Variants in RARA observed in about 807,000 individuals in gnomAD.
RARA encodes PML-DDX5-RARA fusion.
Under a neutral mutation model 42.8 loss-of-function variants are expected in RARA, and 5 were observed. The ratio of observed to expected loss-of-function variants is 0.12; its 90% CI spans 0.06 to 0.25. RARA has a LOEUF of 0.25. RARA is among the 10% of genes least tolerant of loss of function. The probability of loss-of-function intolerance (pLI) is 1.00; values close to 1 mark genes in which losing one functional copy is unlikely to be tolerated. For missense variants in RARA, 402 were observed against 628.7 expected (o/e 0.64, Z 3.86); for synonymous variants, 256 against 259.5 (o/e 0.99, Z 0.13).
intron 1 of RARA, among the ~76,000 whole-genome samples, chr17:40,315,172 A>G (rs1463020994): frequency 8.7e-6 from 1 of 115,290 alleles, no homozygotes; most frequent in East Asian, 2.5e-4. Flanking sequence ...ATATATATAT[A>G]CACACACACA....
rs2033555309 is a variant in RARA, at chr17:40,326,719, A to C, written c.-362-4138A>C. ...CGTGGGCAGTGGAGGTGGCTGGCATAGGGTGGAGGTTGGATGTGGGTAGTT... is the reference window on the plus strand; with the variant it reads ...CGTGGGCAGTGGAGGTGGCTGGCATCGGGTGGAGGTTGGATGTGGGTAGTT... On this transcript the variant is annotated intron_variant, in intron 1 of 8. Transcript: ENST00000254066. This position sits in a 1 kb window ranked among gnomAD's most constrained non-coding sequence, Gnocchi z 5.2. 6.6e-6 allele frequency among the ~76,000 whole-genome samples: 1 copy of C among 152,004 alleles called. No homozygotes were observed. The highest frequency in any genetic ancestry group is 1.5e-5 in the Non-Finnish European group (1 of 67,960).
chr17:40,356,393 G>C lies in RARA; in HGVS notation c.*167G>C. 1.2e-6 allele frequency: 1 copy of C among 817,706 alleles called. No homozygotes were observed. Among genetic ancestry groups the C allele is most frequent in the Non-Finnish European group, 2.0e-6 (1 of 491,432 alleles). The allele number at this position is 817,706 out of a possible 1,614,324, so 50.7% of individuals were successfully genotyped here. A position where few individuals can be genotyped will look rare whatever the true frequency, so the allele number is the denominator to read the frequency against. On this transcript the variant is annotated 3_prime_UTR_variant, in exon 9 of 9. Transcript: ENST00000254066. ...GGAGGAGGCAGCGACTCCTTGGACA[G>C]AGGCCTGGGCCCTCAGTGGACTGCC... is the stretch of plus-strand genomic sequence containing the variant.
rs2033564009 is a variant in RARA at position 40,326,982 on chromosome 17, A to G, written c.-362-3875A>G. Among the ~76,000 whole-genome samples the G allele has an allele frequency of 6.6e-6, 1 of 152,154 alleles. No individual in the cohort carries two copies. Among genetic ancestry groups the G allele is most frequent in the Non-Finnish European group, 1.5e-5 (1 of 68,024 alleles). On this transcript the variant is annotated intron_variant, in intron 1 of 8. Coordinates refer to ENST00000254066, the MANE Select transcript of RARA (RefSeq NM_000964.4). This position sits in a 1 kb window ranked among gnomAD's most constrained non-coding sequence, Gnocchi z 5.2. ...GTGACCTTTAGCCCTCCTGCGGCTC[A>G]AGGCCCTCCCCAGGGAGCTGAGTAA...
intron 1 of RARA, among the ~76,000 whole-genome samples, chr17:40,315,807 T>A (rs901034134): frequency 6.6e-6 from 1 of 152,102 alleles, no homozygotes; most frequent in African/African-American, 2.4e-5. Flanking sequence ...TTCCTCTAGT[T>A]TGAAGAGGGA....
At chr17:40,319,035 G>T (rs1162510906) in intron 1 of RARA, among the ~76,000 whole-genome samples, 1 of 152,226 alleles carries the variant, frequency 6.6e-6, no homozygotes, top group Non-Finnish European at 1.5e-5. Flanking sequence ...CCACCATGGG[G>T]TGTGGGAACT....
At chr17:40,316,118 G>T (rs1404432059) in intron 1 of RARA, among the ~76,000 whole-genome samples, 1 of 152,210 alleles carries the variant, frequency 6.6e-6, no homozygotes, top group Non-Finnish European at 1.5e-5. Flanking sequence ...GGTAGGGCTG[G>T]GCCTTGGACA....
intron 1 of RARA, among the ~76,000 whole-genome samples, chr17:40,322,183 T>C (rs1315138617): frequency 6.7e-6 from 1 of 150,068 alleles, no homozygotes; most frequent in Non-Finnish European, 1.5e-5. Context: ...TGGAGGGAGG[T>C]TCCATTCCCC....
chr17:40,348,392 C>T lies in RARA; in HGVS notation c.255C>T (p.Tyr85=). 6.2e-7 allele frequency: 1 copy of T among 1,613,826 alleles called. No individual in the cohort carries two copies. Among genetic ancestry groups the T allele is most frequent in the Middle Eastern group, 1.7e-4 (1 of 6,058 alleles). The part of the protein sequence containing the change: ...PPSPPPLPRI[Y]KPCFVCQDKS... The stretch of plus-strand genomic sequence containing the variant: ...CGCCACCCCCTCTACCCCGCATCTA[C>T]AAGCCTTGCTTTGTCTGTCAGGACA... Residue 85 remains tyrosine (Y), a synonymous_variant, in exon 3 of 9, where the codon TAC becomes TAT. Transcript: ENST00000254066.
At chr17:40,315,134 A>ATG (rs1256773560) in intron 1 of RARA, among the ~76,000 whole-genome samples, 1,393 of 35,488 alleles carry the variant, frequency 0.039, 58 homozygotes, top group East Asian at 0.25. Context: ...TTATATGTGT[A>ATG]TATATATATA....
At position 40,352,089 on chromosome 17, in the gene RARA, C is replaced by T. The variant is rs539324246; in HGVS notation, c.630+19C>T. Reference sequence around the variant, plus strand: ...CACTACGGTATGGCTTTCCCCCGGCCTGCAGGGTGGGATTTGCCCAGGGCC... The same window carrying T: ...CACTACGGTATGGCTTTCCCCCGGCTTGCAGGGTGGGATTTGCCCAGGGCC... On this transcript the variant is annotated intron_variant, in intron 5 of 8. Coordinates refer to ENST00000254066, the MANE Select transcript of RARA (RefSeq NM_000964.4). The surrounding 1 kb of genome is among the most constrained non-coding windows in gnomAD (Gnocchi z 4.9). The T allele has an allele frequency of 3.2e-5, 49 of 1,541,796 alleles. 1 individual carries two copies. The South Asian group carries it at 5.8e-4, about 18-fold the overall frequency.
At chr17:40,315,167 TATATACACACACAC>T (rs2033182386) in intron 1 of RARA, among the ~76,000 whole-genome samples, 1 of 116,032 alleles carries the variant, frequency 8.6e-6, no homozygotes, top group Non-Finnish European at 1.7e-5. Context: ...TATATATATA[TATATACACACACAC>T]ACACACACAC....
At chr17:40,335,916 T>C (rs778088243) in intron 2 of RARA, among the ~76,000 whole-genome samples, 6 of 151,666 alleles carry the variant, frequency 4.0e-5, no homozygotes, top group African/African-American at 7.3e-5. Flanking sequence ...GGTGGGAGGA[T>C]TGCATGAGCC....
chr17:40,348,615 C>T, intron 3 of RARA, 151 bp downstream of exon 3: 2 of 997,818 alleles, frequency 2.0e-6, no homozygotes, highest in South Asian at 3.8e-5. Flanking sequence ...GGACACCTAC[C>T]ACAGTTTCCC....
In RARA at chr17:40,352,306, G is replaced by C. The variant is rs2143501906; in HGVS notation, c.631-25G>C. On this transcript the variant is annotated intron_variant, in intron 5 of 8. Coordinates refer to ENST00000254066, the MANE Select transcript of RARA (RefSeq NM_000964.4). This position sits in a 1 kb window ranked among gnomAD's most constrained non-coding sequence, Gnocchi z 4.9. ...GAGAAGGGGTGCCATGGAGAAGAAG[G>C]CCCTCACTCTCCCTCCTCCCCCAGA... The C allele has an allele frequency of 6.4e-7, 1 of 1,573,104 alleles. No homozygotes were observed. Among genetic ancestry groups the C allele is most frequent in the Non-Finnish European group, 8.7e-7 (1 of 1,155,862 alleles).
chr17:40,315,429 C>T (rs1232154735), intron 1 of RARA, among the ~76,000 whole-genome samples: 3 of 151,902 alleles, frequency 2.0e-5, no homozygotes, highest in Non-Finnish European at 4.4e-5. Context: ...GTTTTTTCAT[C>T]TCTACAATGG....
intron 2 of RARA, among the ~76,000 whole-genome samples, chr17:40,340,017 A>G (rs2033981722): frequency 6.6e-6 from 1 of 152,166 alleles, no homozygotes; most frequent in African/African-American, 2.4e-5. Flanking sequence ...CCACCTGTCC[A>G]GCAGCCCAGT....
Position 40,331,316 on chromosome 17 carries a change from G to A in RARA, c.98G>A (p.Gly33Asp). The A allele has an allele frequency of 6.2e-7, 1 of 1,614,094 alleles. No individual in the cohort carries two copies. The highest frequency in any genetic ancestry group is 8.5e-7 in the Non-Finnish European group (1 of 1,180,000). Residue 33 changes from glycine to aspartate, a missense_variant, in exon 2 of 9, where the codon GGT (glycine) becomes GAT (aspartate). By Grantham distance (94) the Gly-to-Asp change is moderately conservative. This residue lies in a region of RARA where 91 missense variants were observed against 105.2 expected (regional missense o/e 0.87). Transcript: ENST00000254066. The stretch of plus-strand genomic sequence containing the variant: ...GCCTTCTTCTTCCCCCCTATGCTGG[G>A]TGGACTCTCCCCGCCAGGCGCTCTG... ...PYAFFFPPML[G>D]GLSPPGALTT... is the part of the protein sequence containing the mutation.
In RARA at chr17:40,309,302, C is replaced by G. The variant is rs370760753; in HGVS notation, c.-363+16C>G. 1 of 152,546 alleles carries G rather than the reference C, an allele frequency of 6.6e-6. No individual in the cohort carries two copies. The highest frequency in any genetic ancestry group is 6.5e-5 in the Admixed American group (1 of 15,292). The allele number at this position is 152,546 out of a possible 1,614,324, so 9.4% of individuals were successfully genotyped here. The stretch of plus-strand genomic sequence containing the variant: ...ACCTGAGCAGGTAGGACCATGCACA[C>G]CCCTTCCCAATTCTTTGGCCGCCTT... On this transcript the variant is annotated intron_variant, in intron 1 of 8. Coordinates refer to ENST00000254066, the MANE Select transcript of RARA (RefSeq NM_000964.4).
chr17:40,328,114 C>T (rs1012256646), intron 1 of RARA, among the ~76,000 whole-genome samples: 4 of 152,158 alleles, frequency 2.6e-5, no homozygotes, highest in Non-Finnish European at 4.4e-5. Flanking sequence ...CTGTCCCCTC[C>T]CACCCTCTCT....
Sources: allele counts gnomAD v4.1 joint callset (sites outside exome capture counted in the v4.1 genomes callset), GRCh38; gene constraint gnomAD v4.1.1; regional missense constraint gnomAD v4.1.1; non-coding constraint Gnocchi (gnomAD v3.1); transcripts MANE v1.5; gene names NCBI Gene and HGNC (gene_info 2026-07-23, HGNC 2026-07-21).